Variants in ASPH observed in about 807,000 individuals in gnomAD.
The protein encoded by ASPH is aspartate beta-hydroxylase, also known as aspartyl/asparaginyl beta-hydroxylase.
ASPH carries 100 observed loss-of-function variants against 118.4 expected under a neutral mutation model. The ratio of observed to expected loss-of-function variants is 0.84; its 90% CI spans 0.72 to 1.00. The LOEUF (loss-of-function observed/expected upper bound fraction) is 1.00, where lower values mean the gene tolerates loss of function less well. Among genes scored for constraint, ASPH ranks in the 50% least tolerant of loss-of-function variants. The pLI is 0.00. For synonymous variants in ASPH, 315 were observed against 325.6 expected (o/e 0.97, Z 0.35); for missense variants, 920 against 919.5 (o/e 1.00, Z -0.01).
intron 12 of ASPH, among the ~76,000 whole-genome samples, chr8:61,637,325 A>AGGT (rs1858270374): frequency 6.6e-6 from 1 of 152,126 alleles, no homozygotes; most frequent in Non-Finnish European, 1.5e-5. Flanking sequence ...CTCCAGCTTC[A>AGGT]GGTCTTCATT....
At chr8:61,582,031 C>T (rs1837726692) in intron 15 of ASPH, among the ~76,000 whole-genome samples, 1 of 152,132 alleles carries the variant, frequency 6.6e-6, no homozygotes, top group Non-Finnish European at 1.5e-5. Flanking sequence ...TGTTAGTTGG[C>T]CTCGGCTGGT....
intron 14 of ASPH, among the ~76,000 whole-genome samples, chr8:61,609,475 G>A (rs1846638532): frequency 6.6e-6 from 1 of 152,124 alleles, no homozygotes; most frequent in Admixed American, 6.6e-5. Flanking sequence ...ACTGTGGGGT[G>A]GATCCCAATG....
intron 13 of ASPH, chr8:61,624,495 CA>C (rs756315648): frequency 5.2e-6 from 5 of 967,536 alleles, no homozygotes; most frequent in Non-Finnish European, 6.1e-6. Context: ...TATTATGTAA[CA>C]AATTAAAAAT....
Position 61,651,114 on chromosome 8 carries a change from A to G in ASPH, c.426T>C (p.Asn142=). Residue 142 remains asparagine (N), a synonymous_variant, in exon 5 of 25, where the codon AAT becomes AAC. Coordinates refer to ENST00000379454, the MANE Select transcript of ASPH (RefSeq NM_004318.4). ...EQVPVEAEPQ[N]IEDEAKEQIQ... is the part of the protein sequence containing the mutation. ...TTTGTTCTTTTGCTTCATCTTCGAT[A>G]TTCTGGGGTTCTAAAATAATTGCAA... 1.2e-6 allele frequency: 2 copies of G among 1,613,676 alleles called. No homozygotes were observed. Among genetic ancestry groups the G allele is most frequent in the Non-Finnish European group, 1.7e-6 (2 of 1,179,824 alleles).
chr8:61,590,704 G>C (rs1840859079), intron 14 of ASPH, among the ~76,000 whole-genome samples: 1 of 151,882 alleles, frequency 6.6e-6, no homozygotes, highest in Non-Finnish European at 1.5e-5. Flanking sequence ...TTCACAAATT[G>C]GCCCCTAATC....
chr8:61,594,862 G>A (rs2133158312), intron 14 of ASPH, among the ~76,000 whole-genome samples: 2 of 152,222 alleles, frequency 1.3e-5, no homozygotes, highest in Non-Finnish European at 2.9e-5. Flanking sequence ...AAGGACTATT[G>A]TATATATTAT....
intron 21 of ASPH, among the ~76,000 whole-genome samples, chr8:61,529,167 A>ACTAT (rs1245291659): frequency 6.6e-6 from 1 of 152,178 alleles, no homozygotes; most frequent in Non-Finnish European, 1.5e-5. Context: ...ACCCCTCTGT[A>ACTAT]CTATCTCCTC....
At chr8:61,576,587 G>GA (rs1340768127) in intron 16 of ASPH, 185 bp downstream of exon 16, 2 of 502,534 alleles carry the variant, frequency 4.0e-6, no homozygotes, top group African/African-American at 1.9e-5. Context: ...AGGGGGAGCA[G>GA]AAAAAAATGT....
intron 3 of ASPH, chr8:61,665,704 CCA>C: frequency 7.9e-7 from 1 of 1,265,260 alleles, no homozygotes; most frequent in Non-Finnish European, 1.1e-6. Context: ...TTTTATCTCT[CCA>C]CACACAGGAA....
intron 14 of ASPH, among the ~76,000 whole-genome samples, chr8:61,594,244 T>A (rs1412237306): frequency 2.0e-5 from 3 of 152,128 alleles, no homozygotes; most frequent in African/African-American, 4.8e-5. Flanking sequence ...ACACATTTTT[T>A]AAATGGGGAA....
At position 61,502,693 on chromosome 8, in the gene ASPH, G is replaced by A. The variant is rs947735747; in HGVS notation, c.*666C>T. ...ATCTCCACCACTAGCATAGTGAGAAGAGGATCTCAATCAAGATAAAAAAAA... is the reference window on the plus strand; with the variant it reads ...ATCTCCACCACTAGCATAGTGAGAAAAGGATCTCAATCAAGATAAAAAAAA... On this transcript the variant is annotated 3_prime_UTR_variant, in exon 25 of 25. Transcript: ENST00000379454. 1 of 152,152 alleles carries A rather than the reference G, an allele frequency of 6.6e-6. No homozygotes were observed. The highest frequency in any genetic ancestry group is 1.5e-5 in the Non-Finnish European group (1 of 68,030). The allele number at this position is 152,152 out of a possible 1,614,324, so 9.4% of individuals were successfully genotyped here. A position where few individuals can be genotyped will look rare whatever the true frequency, so the allele number is the denominator to read the frequency against.
At chr8:61,684,011 A>G in intron 2 of ASPH, 28 bp downstream of exon 2, 1 of 1,609,218 alleles carries the variant, frequency 6.2e-7, no homozygotes, top group South Asian at 1.1e-5. Context: ...TCTCTTACAA[A>G]TTCACATAAG....
intron 1 of ASPH, among the ~76,000 whole-genome samples, chr8:61,696,624 T>C (rs918034693): frequency 6.6e-6 from 1 of 151,424 alleles, no homozygotes; most frequent in Non-Finnish European, 1.5e-5. Flanking sequence ...TAATTATTTC[T>C]CCCTACAGAG....
At chr8:61,563,605 C>T (rs575694736) in intron 17 of ASPH, among the ~76,000 whole-genome samples, 17 of 152,328 alleles carry the variant, frequency 1.1e-4, no homozygotes, top group African/African-American at 2.2e-4. Flanking sequence ...AGTGTCAGTA[C>T]GCTAAAGCAG....
chr8:61,514,814 C>T (rs910716437), intron 24 of ASPH, among the ~76,000 whole-genome samples: 1 of 152,104 alleles, frequency 6.6e-6, no homozygotes, highest in African/African-American at 2.4e-5. Flanking sequence ...AATCCTCCTG[C>T]CTTGGGCACC....
At chr8:61,522,960 T>C (rs909805252) in intron 22 of ASPH, among the ~76,000 whole-genome samples, 3 of 152,150 alleles carry the variant, frequency 2.0e-5, no homozygotes, top group African/African-American at 7.2e-5. Context: ...CTTCAACATA[T>C]GAATTTTGCG....
intron 14 of ASPH, among the ~76,000 whole-genome samples, chr8:61,585,825 C>T (rs1223050743): frequency 6.6e-6 from 1 of 152,182 alleles, no homozygotes; most frequent in Non-Finnish European, 1.5e-5. Flanking sequence ...TGAGTCCCAG[C>T]TCTGTCACCT....
chr8:61,672,131 G>A (rs917175793), intron 3 of ASPH, among the ~76,000 whole-genome samples: 1 of 152,152 alleles, frequency 6.6e-6, no homozygotes, highest in South Asian at 2.1e-4. Context: ...TCCTGTTAGC[G>A]AGACAGACTG....
chr8:61,532,825 T>G (rs1818081348), intron 21 of ASPH, among the ~76,000 whole-genome samples: 2 of 152,204 alleles, frequency 1.3e-5, no homozygotes, highest in Admixed American at 6.5e-5. Context: ...CTGTGTGATT[T>G]GGGGCAAATT....
Sources: allele counts gnomAD v4.1 joint callset (sites outside exome capture counted in the v4.1 genomes callset), GRCh38; gene constraint gnomAD v4.1.1; transcripts MANE v1.5; gene names NCBI Gene and HGNC (gene_info 2026-07-23, HGNC 2026-07-21).